Variants in UBE2E2 observed in about 807,000 individuals in gnomAD.
UBE2E2 encodes the protein ubiquitin conjugating enzyme E2 E2.
Under a neutral mutation model 24.7 loss-of-function variants are expected in UBE2E2, and 6 were observed. That is an observed-to-expected ratio of 0.24 (90% CI 0.13 to 0.48). The LOEUF (loss-of-function observed/expected upper bound fraction) is 0.48. Ranked by LOEUF, UBE2E2 falls within the 20% of genes least tolerant of loss-of-function variation. The pLI is 0.99. For missense variants in UBE2E2, 169 were observed against 245.0 expected (o/e 0.69, Z 2.07); for synonymous variants, 104 against 83.6 (o/e 1.24, Z -1.33).
At chr3:23,301,721 T>C (rs1262676980) in intron 3 of UBE2E2, among the ~76,000 whole-genome samples, 1 of 152,200 alleles carries the variant, frequency 6.6e-6, no homozygotes, top group East Asian at 1.9e-4. Context: ...GGTAGGCTAC[T>C]TGGGGGTCAG....
At chr3:23,362,616 G>A (rs1388135128) in intron 3 of UBE2E2, among the ~76,000 whole-genome samples, 1 of 152,094 alleles carries the variant, frequency 6.6e-6, no homozygotes, top group Non-Finnish European at 1.5e-5. Context: ...ATGGCAGGGT[G>A]GGCCACCCTA....
chr3:23,405,306 T>A (rs1175226725), intron 3 of UBE2E2, among the ~76,000 whole-genome samples: 1 of 152,150 alleles, frequency 6.6e-6, no homozygotes, highest in African/African-American at 2.4e-5. Flanking sequence ...CCTCACTGAT[T>A]GTAAGAATGA....
rs758228784 is a variant in UBE2E2 at position 23,204,783 on chromosome 3, A to G, written c.-9+1319A>G. On this transcript the variant is annotated intron_variant, in intron 1 of 5. Coordinates refer to ENST00000396703, the MANE Select transcript of UBE2E2 (RefSeq NM_152653.4). The stretch of plus-strand genomic sequence containing the variant: ...CTGGATATTGCTGTGTGCATATACT[A>G]TATATTTATTTTACATTTTAGAAAA... 2.7e-5 allele frequency: 26 copies of G among 978,906 alleles called. No homozygotes were observed. The Admixed American group carries it at 3.7e-4, about 14-fold the overall frequency. 60.6% of individuals were successfully genotyped at this position (978,906 alleles called of 1,614,324 possible).
chr3:23,287,269 TTC>T (rs1698641028), intron 3 of UBE2E2, among the ~76,000 whole-genome samples: 4 of 152,188 alleles, frequency 2.6e-5, no homozygotes, highest in Non-Finnish European at 5.9e-5. Flanking sequence ...CTGGGATAAA[TTC>T]CACTTGGCCA....
intron 5 of UBE2E2, among the ~76,000 whole-genome samples, chr3:23,569,103 G>A (rs1420109710): frequency 6.6e-6 from 1 of 152,080 alleles, no homozygotes; most frequent in African/African-American, 2.4e-5. Flanking sequence ...TTGATAAATG[G>A]ATAAATATAA....
Position 23,347,140 on chromosome 3 carries a change from G to A in UBE2E2, c.227+129828G>A, listed in dbSNP as rs766629241. ...ACTAGTTCAACCATTGTGGAAGACAGTGTGGCGATTTCTCAAGGATCTAGA... is the reference window on the plus strand; with the variant it reads ...ACTAGTTCAACCATTGTGGAAGACAATGTGGCGATTTCTCAAGGATCTAGA... On this transcript the variant is annotated intron_variant, in intron 3 of 5. Transcript: ENST00000396703. Among the ~76,000 whole-genome samples the A allele has an allele frequency of 8.5e-5, 13 of 152,334 alleles. 1 individual carries two copies. Among genetic ancestry groups the A allele is most frequent in the East Asian group, 5.8e-4 (3 of 5,188 alleles).
intron 3 of UBE2E2, among the ~76,000 whole-genome samples, chr3:23,300,675 C>G (rs1407092026): frequency 1.3e-5 from 2 of 152,190 alleles, no homozygotes; most frequent in Non-Finnish European, 2.9e-5. Context: ...ATGGGCTTCC[C>G]TTTGTGGGTA....
intron 4 of UBE2E2, among the ~76,000 whole-genome samples, chr3:23,511,775 A>T (rs1446648955): frequency 6.6e-6 from 1 of 152,224 alleles, no homozygotes; most frequent in African/African-American, 2.4e-5. Context: ...ATTGCTGGAA[A>T]GCTTATATAA....
chr3:23,443,163 C>T (rs1412544870), intron 3 of UBE2E2, among the ~76,000 whole-genome samples: 1 of 152,142 alleles, frequency 6.6e-6, no homozygotes, highest in East Asian at 1.9e-4. Context: ...GTCTTTCCCT[C>T]TGAGTGATCT....
intron 4 of UBE2E2, among the ~76,000 whole-genome samples, chr3:23,510,138 G>T (rs1324752582): frequency 6.6e-6 from 1 of 152,188 alleles, no homozygotes; most frequent in East Asian, 1.9e-4. Flanking sequence ...GAGACAGAGA[G>T]AAATGAATGT....
chr3:23,547,398 C>G (rs959298902), intron 5 of UBE2E2, among the ~76,000 whole-genome samples: 1 of 152,176 alleles, frequency 6.6e-6, no homozygotes, highest in Non-Finnish European at 1.5e-5. Flanking sequence ...GGTCTGTATA[C>G]TTCTCTTAGT....
At chr3:23,405,916 T>G (rs1322327562) in intron 3 of UBE2E2, among the ~76,000 whole-genome samples, 1 of 152,218 alleles carries the variant, frequency 6.6e-6, no homozygotes, top group Non-Finnish European at 1.5e-5. Context: ...TGCCATGAAT[T>G]GGTCACTAAG....
chr3:23,363,091 C>G lies in UBE2E2; in HGVS notation c.228-136517C>G, dbSNP rs566163969. ...AGAAATAAGATCCTTTTAAGACAAGCAAATGCTAAGAGTATTTGTTACCAC... is the reference window on the plus strand; with the variant it reads ...AGAAATAAGATCCTTTTAAGACAAGGAAATGCTAAGAGTATTTGTTACCAC... On this transcript the variant is annotated intron_variant, in intron 3 of 5. Coordinates refer to ENST00000396703, the MANE Select transcript of UBE2E2 (RefSeq NM_152653.4). 1.3e-4 allele frequency among the ~76,000 whole-genome samples: 20 copies of G among 152,276 alleles called. 2 individuals are homozygous for G. The highest frequency in any genetic ancestry group is 4.6e-4 in the African/African-American group (19 of 41,564).
chr3:23,382,117 T>G (rs1696683954), intron 3 of UBE2E2, among the ~76,000 whole-genome samples: 1 of 152,198 alleles, frequency 6.6e-6, no homozygotes, highest in Admixed American at 6.5e-5. Flanking sequence ...TTAGGTATAT[T>G]TTATGAAATA....
intron 3 of UBE2E2, among the ~76,000 whole-genome samples, chr3:23,243,693 G>C (rs1697314052): frequency 6.6e-6 from 1 of 151,006 alleles, no homozygotes; most frequent in Non-Finnish European, 1.5e-5. Flanking sequence ...CTGAACTTCT[G>C]AATACCTTTG....
intron 5 of UBE2E2, among the ~76,000 whole-genome samples, chr3:23,579,735 G>A (rs1367497588): frequency 6.6e-6 from 1 of 152,042 alleles, no homozygotes; most frequent in African/African-American, 2.4e-5. Flanking sequence ...TATTTCCTAA[G>A]GCTATAGTTT....
chr3:23,534,437 AAT>A (rs1250938163), intron 5 of UBE2E2, among the ~76,000 whole-genome samples: 2 of 152,204 alleles, frequency 1.3e-5, no homozygotes, highest in African/African-American at 4.8e-5. Flanking sequence ...TAGATTTTGA[AAT>A]AATGCTATTG....
chr3:23,398,048 C>G (rs180706988), intron 3 of UBE2E2, among the ~76,000 whole-genome samples: 1 of 152,226 alleles, frequency 6.6e-6, no homozygotes, highest in African/African-American at 2.4e-5. Flanking sequence ...CGCGGTGGCT[C>G]ACACCTGTAA....
chr3:23,449,687 CAG>C lies in UBE2E2; in HGVS notation c.228-49920_228-49919del, dbSNP rs1465557922. 6.6e-5 allele frequency among the ~76,000 whole-genome samples: 10 copies of C among 152,184 alleles called. No individual in the cohort carries two copies. The East Asian group carries it at 7.7e-4, about 12-fold the overall frequency. ...GCAGGTGATTTTTTCCTAGGGGACT[CAG>C]GGGCAGACAGAATCAATCACACATC... On this transcript the variant is annotated intron_variant, in intron 3 of 5. Coordinates refer to ENST00000396703, the MANE Select transcript of UBE2E2 (RefSeq NM_152653.4).
Sources: gnomAD v4.1 joint callset for allele counts (sites outside exome capture counted in the v4.1 genomes callset) on GRCh38, gnomAD v4.1.1 for gene constraint, MANE v1.5 for transcripts, NCBI Gene and HGNC (gene_info 2026-07-23, HGNC 2026-07-21) for gene names.